ANOS1: variants seen among roughly 807,000 people sequenced by gnomAD.
ANOS1 encodes the protein anosmin 1.
Under a neutral mutation model 59.0 loss-of-function variants are expected in ANOS1, and 6 were observed. The observed-to-expected ratio is 0.10, with a 90% confidence interval of 0.06 to 0.20. The LOEUF (loss-of-function observed/expected upper bound fraction) is 0.20. Ranked by LOEUF, ANOS1 falls within the 10% of genes least tolerant of loss-of-function variation. ANOS1 has a pLI of 1.00. For missense variants in ANOS1, 433 were observed against 542.3 expected, an observed-to-expected ratio of 0.80 and a Z score of 2.00; for synonymous variants, 217 against 223.4, an observed-to-expected ratio of 0.97 and a Z score of 0.25.
intron 2 of ANOS1, among the ~76,000 whole-genome samples, chrX:8,649,577 G>C (rs1433584303): frequency 8.9e-6 from 1 of 112,023 alleles, no homozygotes; most frequent in East Asian, 2.8e-4. Flanking sequence ...CAAGACTTTT[G>C]TCTTTGTCCA....
At position 8,596,169 on chromosome X, in the gene ANOS1, A is replaced by C. The variant is rs2058036; in HGVS notation, c.541+865T>G. On this transcript the variant is annotated intron_variant, in intron 4 of 13. Coordinates refer to ENST00000262648, the MANE Select transcript of ANOS1 (RefSeq NM_000216.4). Reference sequence around the variant, plus strand: ...TTATAATAATAGAAATAAAGTGCACAATAAATGTAATGTGCTTGAATCATC... The same window carrying C: ...TTATAATAATAGAAATAAAGTGCACCATAAATGTAATGTGCTTGAATCATC... 3.7e-3 allele frequency among the ~76,000 whole-genome samples: 414 copies of C among 111,245 alleles called. 1 individual carries two copies. Among genetic ancestry groups the C allele is most frequent in the Non-Finnish European group, 6.3e-3 (332 of 53,048 alleles).
At chrX:8,536,721 C>G (rs1469186546) in intron 11 of ANOS1, 50 bp downstream of exon 11, 1 of 1,068,919 alleles carries the variant, frequency 9.4e-7, no homozygotes, top group Non-Finnish European at 1.3e-6. Context: ...TTGCAAAGCG[C>G]TGCTGACACC....
intron 2 of ANOS1, among the ~76,000 whole-genome samples, chrX:8,641,129 C>T (rs947422654): frequency 6.3e-5 from 7 of 111,469 alleles, no homozygotes; most frequent in African/African-American, 1.3e-4. Context: ...ATGGAGTATC[C>T]GGAAGAGTAA....
intron 2 of ANOS1, among the ~76,000 whole-genome samples, chrX:8,644,310 C>T (rs950856222): frequency 1.8e-5 from 2 of 110,838 alleles, no homozygotes; most frequent in Non-Finnish European, 3.8e-5. Context: ...CAAGCCATGA[C>T]AGGAAAGAAG....
intron 1 of ANOS1, among the ~76,000 whole-genome samples, chrX:8,722,746 T>A (rs754921282): frequency 8.9e-6 from 1 of 112,621 alleles, no homozygotes; most frequent in African/African-American, 3.2e-5. Flanking sequence ...GTGGGATTGC[T>A]GGATCAAATG....
At position 8,648,821 on chromosome X, in the gene ANOS1, A is replaced by G. The variant is rs772426046; in HGVS notation, c.256-25151T>C. ...TGACATATATACTTTCTATCTTTCT[A>G]TAATTCCGTTGATGTCTTTGTTCAG... On this transcript the variant is annotated intron_variant, in intron 2 of 13. Transcript: ENST00000262648. 2.7e-3 allele frequency among the ~76,000 whole-genome samples: 304 copies of G among 112,173 alleles called. 2 individuals carry two copies. The highest frequency in any genetic ancestry group is 9.3e-3 in the African/African-American group (288 of 30,918).
Position 8,539,692 on chromosome X carries a change from C to G in ANOS1, c.1421G>C (p.Gly474Ala), listed in dbSNP as rs751918319. The change falls in exon 10 of 14, where the codon GGA becomes GCA. Residue 474 changes from glycine to alanine, a missense_variant. Gly to Ala is a moderately conservative substitution (Grantham distance 60). Transcript: ENST00000262648. Reference protein sequence around the residue: ...PEACAHNRTTGSEASSGMTHE... With the variant: ...PEACAHNRTTASEASSGMTHE... ...GGTCATGCCAGATGATGCCTCTGAT[C>G]CGGTTGTTCTGTTGTGGGCACACGC... 8.3e-7 allele frequency: 1 copy of G among 1,211,526 alleles called. No homozygotes were observed. Among genetic ancestry groups the G allele is most frequent in the Non-Finnish European group, 1.1e-6 (1 of 895,518 alleles).
intron 2 of ANOS1, among the ~76,000 whole-genome samples, chrX:8,685,368 A>G (rs1437477384): frequency 9.2e-6 from 1 of 109,121 alleles, no homozygotes; most frequent in Non-Finnish European, 1.9e-5. Flanking sequence ...TGGGGCTCCT[A>G]TAACTTAAGG....
chrX:8,556,345 G>C (rs780624503), intron 8 of ANOS1, among the ~76,000 whole-genome samples: 1 of 111,958 alleles, frequency 8.9e-6, no homozygotes, highest in South Asian at 3.7e-4. Flanking sequence ...AATCAGGCAA[G>C]AGAAAGAAAT....
chrX:8,647,203 C>T (rs1205033270), intron 2 of ANOS1, among the ~76,000 whole-genome samples: 1 of 110,821 alleles, frequency 9.0e-6, no homozygotes, highest in Non-Finnish European at 1.9e-5. Context: ...ATGCTAGTAG[C>T]ACTTCCATCC....
rs779299111 is a variant in ANOS1 at position 8,536,731 on chromosome X, C to T, written c.1621+40G>A. 120 of 1,132,903 alleles carry T rather than the reference C, an allele frequency of 1.1e-4. 1 individual carries two copies. The Admixed American group carries it at 2.6e-3, about 25-fold the overall frequency. 93.4% of individuals were successfully genotyped at this position (1,132,903 alleles called of 1,213,427 possible). ...AAGGTTTGCAAAGCGCTGCTGACACCGTAGACCTAGATGTAGAAGTCCTTC... is the reference window on the plus strand; with the variant it reads ...AAGGTTTGCAAAGCGCTGCTGACACTGTAGACCTAGATGTAGAAGTCCTTC... On this transcript the variant is annotated intron_variant, in intron 11 of 13. Transcript: ENST00000262648.
At chrX:8,638,439 T>G (rs771418611) in intron 2 of ANOS1, among the ~76,000 whole-genome samples, 1 of 112,181 alleles carries the variant, frequency 8.9e-6, no homozygotes, top group Non-Finnish European at 1.9e-5. Flanking sequence ...CCAAGAGATA[T>G]TAGGAGCACG....
At chrX:8,715,020 G>A (rs183253146) in intron 1 of ANOS1, among the ~76,000 whole-genome samples, 14 of 112,044 alleles carry the variant, frequency 1.2e-4, no homozygotes, top group Middle Eastern at 4.7e-3. Context: ...TTAATTAAAT[G>A]TGATGCAAGC....
chrX:8,596,952 C>T, intron 4 of ANOS1, 82 bp downstream of exon 4: 1 of 1,191,347 alleles, frequency 8.4e-7, no homozygotes. Flanking sequence ...CTTTTCACAC[C>T]TATGATGGAC....
intron 8 of ANOS1, chrX:8,565,993 A>G (rs1050365339): frequency 5.1e-5 from 38 of 752,130 alleles, no homozygotes; most frequent in Non-Finnish European, 5.8e-5. Context: ...CCAGTGGCCC[A>G]TCCACCTTCA....
chrX:8,688,908 G>A (rs1182917594), intron 2 of ANOS1, among the ~76,000 whole-genome samples: 2 of 111,794 alleles, frequency 1.8e-5, no homozygotes, highest in Non-Finnish European at 3.8e-5. Flanking sequence ...AGTTCTCAGC[G>A]TGAGGGCAGA....
At chrX:8,637,937 G>A (rs1473803837) in intron 2 of ANOS1, among the ~76,000 whole-genome samples, 1 of 112,328 alleles carries the variant, frequency 8.9e-6, no homozygotes, top group Non-Finnish European at 1.9e-5. Context: ...GTGAAAATGT[G>A]AGGGTTTTCT....
intron 3 of ANOS1, among the ~76,000 whole-genome samples, chrX:8,618,555 G>A (rs1001507216): frequency 8.9e-6 from 1 of 111,834 alleles, no homozygotes; most frequent in East Asian, 2.8e-4. Context: ...CATCAGAAAC[G>A]TCAAAATCAA....
rs752508637 is a variant in ANOS1, at chrX:8,700,352, GGA to G, written c.208-609_208-608del. Among the ~76,000 whole-genome samples, 5 of 108,741 alleles carry G rather than the reference GGA, an allele frequency of 4.6e-5. No individual in the cohort carries two copies. The East Asian group carries it at 8.6e-4, about 19-fold the overall frequency. The allele number at this position is 108,741 out of a possible 115,157, so 94.4% of individuals were successfully genotyped here. A position where few individuals can be genotyped will look rare whatever the true frequency, so the allele number is the denominator to read the frequency against. On this transcript the variant is annotated intron_variant, in intron 1 of 13. Transcript: ENST00000262648. ...AAGCACATCTTACCATGGCAGAGCAGGAGAGAGAGAGAGAGAGCAAAAAGGGA... is the reference window on the plus strand; with the variant it reads ...AAGCACATCTTACCATGGCAGAGCAGGAGAGAGAGAGAGAGCAAAAAGGGA...
Sources: gnomAD v4.1 joint callset for allele counts (sites outside exome capture counted in the v4.1 genomes callset) on GRCh38, gnomAD v4.1.1 for gene constraint, MANE v1.5 for transcripts, NCBI Gene and HGNC (gene_info 2026-07-23, HGNC 2026-07-21) for gene names.